Variants in RPAP2 observed in about 807,000 individuals in gnomAD.
The protein encoded by RPAP2 is RNA polymerase II associated protein 2, also known as putative RNA polymerase II subunit B1 CTD phosphatase RPAP2.
RPAP2 carries 52 observed loss-of-function variants against 73.1 expected under a neutral mutation model. The ratio of observed to expected loss-of-function variants is 0.71; its 90% CI spans 0.57 to 0.90. RPAP2 has a LOEUF of 0.90. RPAP2 is among the 40% of genes least tolerant of loss of function. The probability of loss-of-function intolerance (pLI) is 0.00; values close to 1 mark genes in which losing one functional copy is unlikely to be tolerated. For synonymous variants in RPAP2, 225 were observed against 242.1 expected, an observed-to-expected ratio of 0.93 and a Z score of 0.65; for missense variants, 598 against 701.8, an observed-to-expected ratio of 0.85 and a Z score of 1.67.
At chr1:92,330,042 C>T (rs1273076383) in intron 8 of RPAP2, among the ~76,000 whole-genome samples, 1 of 152,182 alleles carries the variant, frequency 6.6e-6, no homozygotes, top group Non-Finnish European at 1.5e-5. Flanking sequence ...GAGTGGACCA[C>T]AAGGTCTTGT....
intron 8 of RPAP2, chr1:92,333,182 C>A: frequency 2.0e-6 from 1 of 488,248 alleles, no homozygotes; most frequent in East Asian, 3.1e-5. Context: ...AGAAAACTGA[C>A]TCTCCAAAGA....
intron 11 of RPAP2, among the ~76,000 whole-genome samples, chr1:92,361,089 T>C (rs1206748728): frequency 7.7e-6 from 1 of 129,904 alleles, no homozygotes; most frequent in Non-Finnish European, 1.6e-5. Flanking sequence ...TATATATATA[T>C]ATAATATATA....
In RPAP2 at chr1:92,300,226, G is replaced by A; in HGVS notation, c.106G>A (p.Asp36Asn). 1.2e-6 allele frequency: 2 copies of A among 1,609,822 alleles called. No homozygotes were observed. Among genetic ancestry groups the A allele is most frequent in the Non-Finnish European group, 1.7e-6 (2 of 1,176,462 alleles). ...TKQTSTLKQE[D>N]ASKRKAELEA... ...ACAGACAAGTACTTTGAAACAAGAA[G>A]ATGCTTCTAAAAGGTATGACAGCTA... Residue 36 changes from aspartate to asparagine, a missense_variant, in exon 2 of 13, where the codon GAT becomes AAT. Physicochemically the swap from Asp to Asn is conservative, Grantham distance 23 (BLOSUM62 1). Coordinates refer to ENST00000610020, the MANE Select transcript of RPAP2 (RefSeq NM_024813.3).
Position 92,399,536 on chromosome 1 carries a change from T to A in RPAP2, c.*12525T>A, listed in dbSNP as rs1457739047. ...ATCTGACCCTACCTTACTGGGGTCA[T>A]ACAGCCAAAGCAGTGTCCACTTCAG... On this transcript the variant is annotated 3_prime_UTR_variant, in exon 13 of 13. Coordinates refer to ENST00000610020, the MANE Select transcript of RPAP2 (RefSeq NM_024813.3). 1 of 152,228 alleles carries A rather than the reference T, an allele frequency of 6.6e-6. No homozygotes were observed. Among genetic ancestry groups the A allele is most frequent in the African/African-American group, 2.4e-5 (1 of 41,460 alleles). 9.4% of individuals were successfully genotyped at this position (152,228 alleles called of 1,614,324 possible). A position where few individuals can be genotyped will look rare whatever the true frequency, so the allele number is the denominator to read the frequency against.
In RPAP2 at chr1:92,394,380, C is replaced by T. The variant is rs1160910810; in HGVS notation, c.*7369C>T. 6.6e-6 allele frequency: 1 copy of T among 152,114 alleles called. No individual in the cohort carries two copies. The highest frequency in any genetic ancestry group is 2.4e-5 in the African/African-American group (1 of 41,410). The allele number at this position is 152,114 out of a possible 1,614,324, so 9.4% of individuals were successfully genotyped here. On this transcript the variant is annotated 3_prime_UTR_variant, in exon 13 of 13. Coordinates refer to ENST00000610020, the MANE Select transcript of RPAP2 (RefSeq NM_024813.3). ...TAGGAGAAATACCTAATGTAGGTGA[C>T]AGGTTGGTGGGTGCAGCAAACCACC...
chr1:92,356,585 A>ATTGTTTTTT (rs763439308), intron 11 of RPAP2, among the ~76,000 whole-genome samples: 3 of 51,786 alleles, frequency 5.8e-5, no homozygotes, highest in Non-Finnish European at 9.5e-5. Context: ...CTCCTGGCTA[A>ATTGTTTTTT]TTTTTTTTTT....
intron 9 of RPAP2, among the ~76,000 whole-genome samples, chr1:92,334,505 G>GTT (rs1653156605): frequency 6.6e-6 from 1 of 152,010 alleles, no homozygotes; most frequent in Non-Finnish European, 1.5e-5. Context: ...ACAGTTAGGG[G>GTT]TCAAATGACA....
In RPAP2 at chr1:92,395,876, A is replaced by G. The variant is rs1656172253; in HGVS notation, c.*8865A>G. 1 of 152,196 alleles carries G rather than the reference A, an allele frequency of 6.6e-6. No individual in the cohort carries two copies. The highest frequency in any genetic ancestry group is 2.4e-5 in the African/African-American group (1 of 41,462). The allele number at this position is 152,196 out of a possible 1,614,324, so 9.4% of individuals were successfully genotyped here. ...TACTATCACTAGTCATTAGGAAAAT[A>G]CAAGTTAAAAGCAAAATTAGATACC... On this transcript the variant is annotated 3_prime_UTR_variant, in exon 13 of 13. Transcript: ENST00000610020.
chr1:92,299,208 T>C (rs1224614581), intron 1 of RPAP2, 62 bp downstream of exon 1: 1 of 1,056,944 alleles, frequency 9.5e-7, no homozygotes, highest in Non-Finnish European at 1.3e-6. Context: ...TCTCGAGTTA[T>C]AGACCGCAGC....
At chr1:92,308,419 C>T (rs1300198623) in intron 6 of RPAP2, among the ~76,000 whole-genome samples, 3 of 152,162 alleles carry the variant, frequency 2.0e-5, no homozygotes, top group Non-Finnish European at 4.4e-5. Flanking sequence ...ATATTTCTGT[C>T]ACTAGAGCTG....
chr1:92,334,477 T>G (rs542872954), intron 9 of RPAP2, among the ~76,000 whole-genome samples: 1 of 152,262 alleles, frequency 6.6e-6, no homozygotes, highest in South Asian at 2.1e-4. Context: ...GCCTTTGTAT[T>G]TAGAGATAAA....
chr1:92,368,136 A>C (rs1238388633), intron 11 of RPAP2, among the ~76,000 whole-genome samples: 1 of 152,128 alleles, frequency 6.6e-6, no homozygotes, highest in South Asian at 2.1e-4. Context: ...TAAAAATCCA[A>C]GTTCATGGCT....
chr1:92,370,116 C>T (rs1655088520), intron 11 of RPAP2, among the ~76,000 whole-genome samples: 1 of 152,116 alleles, frequency 6.6e-6, no homozygotes, highest in African/African-American at 2.4e-5. Flanking sequence ...AACTCCTGGC[C>T]AAAAGTGATC....
chr1:92,343,323 C>T (rs754102269), intron 10 of RPAP2, among the ~76,000 whole-genome samples: 6 of 152,160 alleles, frequency 3.9e-5, no homozygotes, highest in Non-Finnish European at 7.3e-5. Flanking sequence ...TCACAAGAAC[C>T]CTGTGAGGTG....
At chr1:92,363,319 C>A (rs763836464) in intron 11 of RPAP2, among the ~76,000 whole-genome samples, 8 of 152,106 alleles carry the variant, frequency 5.3e-5, no homozygotes, top group Non-Finnish European at 7.4e-5. Context: ...AAGGTAGATA[C>A]ACATGATGGA....
chr1:92,345,822 G>A, intron 10 of RPAP2, 24 bp from the exon 11 acceptor site: 3 of 1,388,968 alleles, frequency 2.2e-6, no homozygotes, highest in Non-Finnish European at 3.1e-6. Context: ...AACACTCCTT[G>A]GATAAATTTT....
intron 11 of RPAP2, among the ~76,000 whole-genome samples, chr1:92,348,937 T>C (rs995832786): frequency 2.0e-5 from 3 of 151,612 alleles, no homozygotes; most frequent in Admixed American, 1.3e-4. Flanking sequence ...ACAGTGAAAA[T>C]ATGGAGACTT....
chr1:92,338,043 T>C (rs1372767965), intron 10 of RPAP2, among the ~76,000 whole-genome samples: 1 of 152,208 alleles, frequency 6.6e-6, no homozygotes, highest in Non-Finnish European at 1.5e-5. Context: ...TGAAAGTTAT[T>C]ACTGATTGTT....
rs1359602239 is a variant in RPAP2 at position 92,345,396 on chromosome 1, AAAAAAG to A, written c.1620-448_1620-443del. Reference sequence around the variant, plus strand: ...CGTTTCTTTAAAAAAAAAAAAAAAAAAAAAAGAGAGAGAGAGAAGAAAGAAAGAGAG... The same window carrying A: ...CGTTTCTTTAAAAAAAAAAAAAAAAAAGAGAGAGAGAAGAAAGAAAGAGAG... On this transcript the variant is annotated intron_variant, in intron 10 of 12. Transcript: ENST00000610020. 3.2e-3 allele frequency among the ~76,000 whole-genome samples: 472 copies of A among 148,600 alleles called. 3 individuals are homozygous for A. The highest frequency in any genetic ancestry group is 5.8e-3 in the Non-Finnish European group (390 of 66,942).
Sources: allele counts gnomAD v4.1 joint callset (sites outside exome capture counted in the v4.1 genomes callset), GRCh38; gene constraint gnomAD v4.1.1; transcripts MANE v1.5; gene names NCBI Gene and HGNC (gene_info 2026-07-23, HGNC 2026-07-21).